Variants in CIMAP1D observed in about 807,000 individuals in gnomAD.
CIMAP1D encodes protein CIMAP1D.
the CIMAP1D span, among the ~76,000 whole-genome samples, chr19:476,016 T>TTTC: frequency 8.1e-6 from 1 of 123,048 alleles, no homozygotes; most frequent in Non-Finnish European, 1.6e-5. Context: ...TTTTTTTTTT[T>TTTC]GAGACAGAGT....
the CIMAP1D span, among the ~76,000 whole-genome samples, chr19:488,500 C>T: frequency 1.3e-5 from 2 of 152,196 alleles, no homozygotes; most frequent in Non-Finnish European, 2.9e-5. Flanking sequence ...CCAGCCTGGG[C>T]GACAGAGCGA....
At chr19:474,608 G>T in the CIMAP1D span, 1 of 1,511,282 alleles carries the variant, frequency 6.6e-7, no homozygotes, top group Non-Finnish European at 8.9e-7. Context: ...CATCCCCCAC[G>T]GCTGGCACGC....
chr19:470,724 C>T, the CIMAP1D span, among the ~76,000 whole-genome samples: 1 of 152,220 alleles, frequency 6.6e-6, no homozygotes, highest in Non-Finnish European at 1.5e-5. Context: ...TCCGACCGCG[C>T]TCCCAGCCCA....
the CIMAP1D span, among the ~76,000 whole-genome samples, chr19:475,509 G>A: frequency 2.6e-5 from 4 of 152,148 alleles, no homozygotes; most frequent in Admixed American, 2.6e-4. Context: ...TGAGCCCCAC[G>A]GAGAAGGTAA....
chr19:486,845 C>T, the CIMAP1D span, among the ~76,000 whole-genome samples: 1 of 151,988 alleles, frequency 6.6e-6, no homozygotes, highest in East Asian at 2.0e-4. Flanking sequence ...ACCCGGGAGG[C>T]GGAGCTTGTA....
the CIMAP1D span, chr19:463,678 C>G: frequency 9.9e-7 from 1 of 1,005,268 alleles, no homozygotes; most frequent in East Asian, 2.6e-5. Flanking sequence ...GTCACAGCCC[C>G]CAGGGACTGG....
At chr19:474,313 A>G in the CIMAP1D span, among the ~76,000 whole-genome samples, 3 of 152,214 alleles carry the variant, frequency 2.0e-5, no homozygotes, top group Non-Finnish European at 4.4e-5. Flanking sequence ...CCACGCTGGA[A>G]ATATTCCCTC....
At chr19:482,535 A>G in the CIMAP1D span, among the ~76,000 whole-genome samples, 2 of 152,176 alleles carry the variant, frequency 1.3e-5, no homozygotes, top group Non-Finnish European at 2.9e-5. Context: ...TGGTGTCAAG[A>G]TGGGGAAATG....
At chr19:486,822 A>G in the CIMAP1D span, among the ~76,000 whole-genome samples, 3 of 151,962 alleles carry the variant, frequency 2.0e-5, no homozygotes, top group African/African-American at 2.4e-5. Flanking sequence ...GCTGAGGCAG[A>G]AGAATGACGT....
chr19:464,943 G>A, the CIMAP1D span, among the ~76,000 whole-genome samples: 1 of 139,410 alleles, frequency 7.2e-6, no homozygotes, highest in Admixed American at 7.1e-5. Flanking sequence ...ACGGTTGATA[G>A]GTAGAAGGAA....
chr19:478,063 C>T, the CIMAP1D span, among the ~76,000 whole-genome samples: 1 of 152,244 alleles, frequency 6.6e-6, no homozygotes, highest in African/African-American at 2.4e-5. Flanking sequence ...CTGTCACTGC[C>T]CAACCTTGGA....
chr19:472,465 A>G, the CIMAP1D span: 2 of 1,547,088 alleles, frequency 1.3e-6, no homozygotes, highest in Non-Finnish European at 1.7e-6. Flanking sequence ...GATGAAGCCC[A>G]CGGTGGACGG....
At chr19:481,146 AT>A in the CIMAP1D span, among the ~76,000 whole-genome samples, 1 of 48,178 alleles carries the variant, frequency 2.1e-5, no homozygotes, top group African/African-American at 2.0e-4. Flanking sequence ...GGGAAGGATG[AT>A]GGGAAGGATG....
the CIMAP1D span, among the ~76,000 whole-genome samples, chr19:479,565 C>T: frequency 6.6e-6 from 1 of 151,844 alleles, no homozygotes; most frequent in Non-Finnish European, 1.5e-5. Flanking sequence ...CAACCACGCC[C>T]GGCTAATTTT....
chr19:483,902 C>T, the CIMAP1D span, among the ~76,000 whole-genome samples: 233 of 152,274 alleles, frequency 1.5e-3, no homozygotes, highest in African/African-American at 5.1e-3. Flanking sequence ...CTCTTCTGTG[C>T]GGCACGGGAA....
chr19:466,724 G>A, the CIMAP1D span, among the ~76,000 whole-genome samples: 3 of 144,256 alleles, frequency 2.1e-5, no homozygotes, highest in African/African-American at 2.6e-5. Context: ...TGGATGGATG[G>A]GTGGATAGAT....
the CIMAP1D span, among the ~76,000 whole-genome samples, chr19:477,892 G>C: frequency 2.0e-4 from 30 of 152,214 alleles, no homozygotes; most frequent in African/African-American, 6.7e-4. Flanking sequence ...CCCCTTTGCC[G>C]CTCTACTCTG....
chr19:486,477 A>G, the CIMAP1D span, among the ~76,000 whole-genome samples: 10,641 of 151,850 alleles, frequency 0.07, 712 homozygotes, highest in East Asian at 0.21. Flanking sequence ...GTCTTGCTCT[A>G]TCACCCAGGC....
the CIMAP1D span, among the ~76,000 whole-genome samples, chr19:481,557 G>C: frequency 0.024 from 3,586 of 146,766 alleles, 145 homozygotes; most frequent in South Asian, 0.19. Flanking sequence ...GGAGAAGGAT[G>C]ATGGGAAGGA....
Sources: gnomAD v4.1 joint callset for allele counts (sites outside exome capture counted in the v4.1 genomes callset) on GRCh38, gnomAD v4.1.1 for gene constraint, MANE v1.5 for transcripts, NCBI Gene and HGNC (gene_info 2026-07-23, HGNC 2026-07-21) for gene names.